The following TPM3 variants were observed in gnomAD, a reference collection of about 807,000 sequenced individuals.
TPM3 encodes tropomyosin alpha-3 chain.
Under a neutral mutation model 43.1 loss-of-function variants are expected in TPM3, and 16 were observed. The ratio of observed to expected loss-of-function variants is 0.37; its 90% CI spans 0.25 to 0.56. TPM3 has a LOEUF of 0.56. Among genes scored for constraint, TPM3 ranks in the 20% least tolerant of loss-of-function variants. TPM3 has a pLI of 0.77. For missense variants in TPM3, 176 were observed against 337.2 expected, an observed-to-expected ratio of 0.52 and a Z score of 3.74; for synonymous variants, 101 against 116.9, an observed-to-expected ratio of 0.86 and a Z score of 0.88.
chr1:154,157,275 C>T (rs559540669), downstream of TPM3: 9 of 407,590 alleles, frequency 2.2e-5, no homozygotes, highest in South Asian at 1.5e-4. Context: ...GAAAGGGATT[C>T]GATTGCTGCT....
rs571507759 is a variant in TPM3 at position 154,166,808 on chromosome 1, A to G, written c.*1129T>C. 77 of 542,786 alleles carry G rather than the reference A, an allele frequency of 1.4e-4. No homozygotes were observed. The highest frequency in any genetic ancestry group is 1.2e-3 in the African/African-American group (58 of 48,510). The allele number at this position is 542,786 out of a possible 1,614,324, so 33.6% of individuals were successfully genotyped here. ...GCGATTCTCCTGCCTCAGCCTCCCG[A>G]GTAGCTGGGATTACAGGCACCCACC... On this transcript the variant is annotated 3_prime_UTR_variant, in exon 10 of 10. Coordinates refer to ENST00000651641, the MANE Select transcript of TPM3 (RefSeq NM_152263.4).
At chr1:154,187,385 C>T (rs1291502063) in intron 2 of TPM3, 2 of 984,638 alleles carry the variant, frequency 2.0e-6, no homozygotes, top group Admixed American at 1.2e-4. Context: ...CACAACCTTC[C>T]CTCTCCTGTT....
In TPM3 at chr1:154,170,688, A is replaced by G. The variant is rs766357781; in HGVS notation, c.666T>C (p.Tyr222=). The stretch of plus-strand genomic sequence containing the variant: ...CAGTAAGAATCTTGATTTCTTCCTC[A>G]TATTTATCTTCTTTTTGAGAGTACT... ...AEKYSQKEDK[Y]EEEIKILTDK... is the part of the protein sequence containing the mutation. Residue 222 remains tyrosine, a synonymous_variant, in exon 7 of 10, where the codon TAT becomes TAC. Coordinates refer to ENST00000651641, the MANE Select transcript of TPM3 (RefSeq NM_152263.4). 1.2e-6 allele frequency: 2 copies of G among 1,612,442 alleles called. No individual in the cohort carries two copies. The highest frequency in any genetic ancestry group is 1.1e-5 in the South Asian group (1 of 91,068).
downstream of TPM3, among the ~76,000 whole-genome samples, chr1:154,160,669 G>A (rs1302178117): frequency 6.6e-6 from 1 of 152,126 alleles, no homozygotes; most frequent in Non-Finnish European, 1.5e-5. Flanking sequence ...GGTATCTGTT[G>A]GGCAGGGGAC....
chr1:154,171,893 A>G, intron 5 of TPM3: 1 of 939,074 alleles, frequency 1.1e-6, no homozygotes, highest in South Asian at 1.3e-5. Flanking sequence ...TAAGTGGAAA[A>G]GAATGGAGCA....
In TPM3 at chr1:154,166,614, T is replaced by G; in HGVS notation, c.*1323A>C. The G allele has an allele frequency of 9.6e-7, 1 of 1,045,022 alleles. No individual in the cohort carries two copies. The highest frequency in any genetic ancestry group is 1.2e-6 in the Non-Finnish European group (1 of 866,588). The allele number at this position is 1,045,022 out of a possible 1,614,324, so 64.7% of individuals were successfully genotyped here. A position where few individuals can be genotyped will look rare whatever the true frequency, so the allele number is the denominator to read the frequency against. On this transcript the variant is annotated 3_prime_UTR_variant, in exon 10 of 10. Transcript: ENST00000651641. Reference sequence around the variant, plus strand: ...AACTAAAGTACTAAGTGAACAACACTTACGTGCTTGGATTAGTATAATTCA... The same window carrying G: ...AACTAAAGTACTAAGTGAACAACACGTACGTGCTTGGATTAGTATAATTCA...
At chr1:154,191,333 C>T in intron 1 of TPM3, 22 bp from the exon 2 acceptor site, 1 of 1,613,430 alleles carries the variant, frequency 6.2e-7, no homozygotes, top group East Asian at 2.2e-5. Flanking sequence ...CAGAGAGTCA[C>T]ACACAAAAAC....
rs1349262491 is a variant in TPM3 at position 154,161,921 on chromosome 1, G to C, written c.*6016C>G. 6.6e-6 allele frequency among the ~76,000 whole-genome samples: 1 copy of C among 152,144 alleles called. No individual in the cohort carries two copies. The highest frequency in any genetic ancestry group is 1.5e-5 in the Non-Finnish European group (1 of 68,032). On this transcript the variant is annotated 3_prime_UTR_variant, in exon 10 of 10. Transcript: ENST00000651641. ...CAGCTGTTCTCTCACTTTGAACTTA[G>C]TTTCTAACTCTGCTATCTCTAGTTA...
Position 154,172,121 on chromosome 1 carries a change from C to T in TPM3, c.567-633G>A, listed in dbSNP as rs766031977. The T allele has an allele frequency of 1.5e-5, 25 of 1,613,428 alleles. No individual in the cohort carries two copies. The East Asian group carries it at 4.5e-4, about 29-fold the overall frequency. ...CGGCAACGGCTGTTAGTGATAGTCA[C>T]GGGGATGGCACAAGCCAGGTTGTGG... On this transcript the variant is annotated intron_variant, in intron 5 of 9. Coordinates refer to ENST00000651641, the MANE Select transcript of TPM3 (RefSeq NM_152263.4).
intron 2 of TPM3, among the ~76,000 whole-genome samples, chr1:154,189,784 G>A (rs990043312): frequency 1.1e-4 from 14 of 126,980 alleles, no homozygotes; most frequent in African/African-American, 4.3e-4. Context: ...GGCAACAAGA[G>A]TGAAACCCTG....
chr1:154,177,900 A>G (rs1237502187), intron 2 of TPM3, among the ~76,000 whole-genome samples: 1 of 152,250 alleles, frequency 6.6e-6, no homozygotes, highest in African/African-American at 2.4e-5. Context: ...AGAAGTCAAC[A>G]TAAGCTGAAA....
At chr1:154,174,410 ACACAAAAATCC>A (rs1662046366) in intron 3 of TPM3, among the ~76,000 whole-genome samples, 1 of 136,852 alleles carries the variant, frequency 7.3e-6, no homozygotes, top group Non-Finnish European at 1.6e-5. Flanking sequence ...ATATATATAC[ACACAAAAATCC>A]CATCCCAGCT....
chr1:154,176,928 G>C (rs1308379878), intron 2 of TPM3, among the ~76,000 whole-genome samples: 1 of 147,742 alleles, frequency 6.8e-6, no homozygotes, highest in Non-Finnish European at 1.5e-5. Context: ...GTACTGAGCT[G>C]AGATTGCGCC....
intron 2 of TPM3, among the ~76,000 whole-genome samples, chr1:154,178,881 A>C (rs772039951): frequency 6.6e-6 from 1 of 152,168 alleles, no homozygotes; most frequent in African/African-American, 2.4e-5. Context: ...GGATTGGGGA[A>C]AGAGTAGAAT....
chr1:154,170,664 A>C lies in TPM3; in HGVS notation c.690T>G (p.Thr230=), dbSNP rs1303500014. The stretch of plus-strand genomic sequence containing the variant: ...CTCAGCTCACCTCCTTGAGTTTATC[A>C]GTAAGAATCTTGATTTCTTCCTCAT... The part of the protein sequence containing the change: ...DKYEEEIKIL[T]DKLKEAETRA... Residue 230 remains threonine (T), a synonymous_variant, in exon 7 of 10, where the codon ACT becomes ACG. Coordinates refer to ENST00000651641, the MANE Select transcript of TPM3 (RefSeq NM_152263.4). The C allele has an allele frequency of 2.5e-6, 4 of 1,612,766 alleles. No homozygotes were observed. Among genetic ancestry groups the C allele is most frequent in the Non-Finnish European group, 3.4e-6 (4 of 1,179,182 alleles).
chr1:154,155,584 A>G (rs1162249867), downstream of TPM3: 1 of 235,812 alleles, frequency 4.2e-6, no homozygotes, highest in African/African-American at 2.2e-5. Flanking sequence ...AGCAGCTTTC[A>G]AAGTTATCCA....
In TPM3 at chr1:154,183,482, T is replaced by C. The variant is rs1436897659; in HGVS notation, c.244-7234A>G. Reference sequence around the variant, plus strand: ...TGGCTGCCCACAATGGTTGGCCCCTTTGCAGGTAGTCGGCTGACCTTACAC... The same window carrying C: ...TGGCTGCCCACAATGGTTGGCCCCTCTGCAGGTAGTCGGCTGACCTTACAC... On this transcript the variant is annotated intron_variant, in intron 2 of 9. Coordinates refer to ENST00000651641, the MANE Select transcript of TPM3 (RefSeq NM_152263.4). The C allele has an allele frequency of 2.0e-5, 9 of 452,382 alleles. No homozygotes were observed. The Admixed American group carries it at 3.2e-4, about 16-fold the overall frequency. 28.0% of individuals were successfully genotyped at this position (452,382 alleles called of 1,614,324 possible).
In TPM3 at chr1:154,162,689, G is replaced by A. The variant is rs1660508618; in HGVS notation, c.*5248C>T. ...CACCCCAATACTAGTCCAGGCTCAAGTAACACAGGATGGCTTCTGCAAGGA... is the reference window on the plus strand; with the variant it reads ...CACCCCAATACTAGTCCAGGCTCAAATAACACAGGATGGCTTCTGCAAGGA... On this transcript the variant is annotated 3_prime_UTR_variant, in exon 10 of 10. Coordinates refer to ENST00000651641, the MANE Select transcript of TPM3 (RefSeq NM_152263.4). Among the ~76,000 whole-genome samples, 1 of 152,190 alleles carries A rather than the reference G, an allele frequency of 6.6e-6. No homozygotes were observed. Among genetic ancestry groups the A allele is most frequent in the Admixed American group, 6.5e-5 (1 of 15,278 alleles).
In TPM3 at chr1:154,166,833, C is replaced by T; in HGVS notation, c.*1104G>A. On this transcript the variant is annotated 3_prime_UTR_variant, in exon 10 of 10. Coordinates refer to ENST00000651641, the MANE Select transcript of TPM3 (RefSeq NM_152263.4). ...AGTAGCTGGGATTACAGGCACCCAC[C>T]CACCATGCCCAGCTAATTTTTGTAT... is the stretch of plus-strand genomic sequence containing the variant. 1 of 306,116 alleles carries T rather than the reference C, an allele frequency of 3.3e-6. No individual in the cohort carries two copies. The highest frequency in any genetic ancestry group is 4.8e-6 in the Non-Finnish European group (1 of 208,820). 19.0% of individuals were successfully genotyped at this position (306,116 alleles called of 1,614,324 possible). A position where few individuals can be genotyped will look rare whatever the true frequency, so the allele number is the denominator to read the frequency against.
Sources: allele counts gnomAD v4.1 joint callset (sites outside exome capture counted in the v4.1 genomes callset), GRCh38; gene constraint gnomAD v4.1.1; transcripts MANE v1.5; gene names NCBI Gene and HGNC (gene_info 2026-07-23, HGNC 2026-07-21).